SNX9: variants seen among roughly 807,000 people sequenced by gnomAD.
The protein encoded by SNX9 is sorting nexin-9.
A neutral mutation model predicts 89.4 loss-of-function variants in SNX9; 44 were observed. The observed-to-expected ratio is 0.49, with a 90% CI of 0.39 to 0.63. The LOEUF is 0.63. Among genes scored for constraint, SNX9 ranks in the 30% least tolerant of loss-of-function variants. SNX9 has a pLI of 0.00. For missense variants in SNX9, 578 were observed against 736.1 expected, an observed-to-expected ratio of 0.79 and a Z score of 2.49; for synonymous variants, 236 against 247.8, an observed-to-expected ratio of 0.95 and a Z score of 0.45.
intron 2 of SNX9, among the ~76,000 whole-genome samples, chr6:157,869,802 G>A (rs989459765): frequency 4.0e-5 from 6 of 151,808 alleles, no homozygotes; most frequent in African/African-American, 1.5e-4. Context: ...GCACACACAC[G>A]TGCACCCATG....
At chr6:157,844,587 G>GTTTTTTTGTTTTGT (rs1554291784) in intron 1 of SNX9, among the ~76,000 whole-genome samples, 1 of 130,298 alleles carries the variant, frequency 7.7e-6, no homozygotes, top group Non-Finnish European at 1.6e-5. Context: ...GCTAATCCTT[G>GTTTTTTTGTTTTGT]TTTTTTTTTT....
rs540501025 is a variant in SNX9, at chr6:157,856,120, T to C, written c.13-11427T>C. On this transcript the variant is annotated intron_variant, in intron 1 of 17. Transcript: ENST00000392185. The stretch of plus-strand genomic sequence containing the variant: ...ATGTTTTATTTTGGGTGAAGAGACA[T>C]TTCTCCCATTCTCCCTGTAAAAGAC... Among the ~76,000 whole-genome samples the C allele has an allele frequency of 3.3e-5, 5 of 152,342 alleles. No individual in the cohort carries two copies. The East Asian group carries it at 9.6e-4, about 29-fold the overall frequency.
chr6:157,834,486 A>G (rs1482063926), intron 1 of SNX9, among the ~76,000 whole-genome samples: 1 of 150,998 alleles, frequency 6.6e-6, no homozygotes. Flanking sequence ...AGCTTGGACT[A>G]CAGCTGTGTG....
chr6:157,876,922 C>T (rs1782532652), intron 4 of SNX9, among the ~76,000 whole-genome samples: 1 of 152,212 alleles, frequency 6.6e-6, no homozygotes, highest in African/African-American at 2.4e-5. Flanking sequence ...TGCCTAGGAG[C>T]AAAGCCAAGC....
chr6:157,838,826 T>C (rs1366575338), intron 1 of SNX9, among the ~76,000 whole-genome samples: 1 of 152,220 alleles, frequency 6.6e-6, no homozygotes, highest in Non-Finnish European at 1.5e-5. Context: ...TCTAAAATTT[T>C]ATCTGGCACT....
rs1183875578 is a variant in SNX9, at chr6:157,942,803, C to T, written c.1753C>T (p.Leu585=). 1 of 1,613,804 alleles carries T rather than the reference C, an allele frequency of 6.2e-7. No homozygotes were observed. The highest frequency in any genetic ancestry group is 1.3e-5 in the African/African-American group (1 of 74,912). The part of the protein sequence containing the change: ...VQFYETIAEK[L]RQALSRFPVM ...GCTTTCTTGTCAGATTGCAGAAAAG[C>T]TGAGGCAGGCCCTCAGCCGCTTTCC... is the stretch of plus-strand genomic sequence containing the variant. Residue 585 remains leucine, a synonymous_variant, in exon 18 of 18, where the codon CTG becomes TTG. Transcript: ENST00000392185.
chr6:157,896,813 A>C lies in SNX9; in HGVS notation c.301-14A>C. The C allele has an allele frequency of 6.2e-7, 1 of 1,611,300 alleles. No individual in the cohort carries two copies. The highest frequency in any genetic ancestry group is 1.1e-5 in the South Asian group (1 of 90,364). On this transcript the variant is annotated splice_polypyrimidine_tract_variant and intron_variant, in intron 4 of 17. Coordinates refer to ENST00000392185, the MANE Select transcript of SNX9 (RefSeq NM_016224.5). Reference sequence around the variant, plus strand: ...AGTCACAAAAATTCTCCTTCTTTTTACCCCTCTCAATAGGTTGGCAGTGGC... The same window carrying C: ...AGTCACAAAAATTCTCCTTCTTTTTCCCCCTCTCAATAGGTTGGCAGTGGC...
At position 157,823,866 on chromosome 6, in the gene SNX9, TG is replaced by T. The variant is rs1781288145; in HGVS notation, c.12+425del. Among the ~76,000 whole-genome samples, 1 of 151,728 alleles carries T rather than the reference TG, an allele frequency of 6.6e-6. No individual in the cohort carries two copies. Among genetic ancestry groups the T allele is most frequent in the African/African-American group, 2.4e-5 (1 of 41,332 alleles). ...CCCCACGTCCCCTCCCGCTGCCGCC[TG>T]GGGGACCCTCGCCCCCGCGGGGCGG... On this transcript the variant is annotated intron_variant, in intron 1 of 17. Transcript: ENST00000392185. The surrounding 1 kb of genome is among the most constrained non-coding windows in gnomAD (Gnocchi z 4.6).
In SNX9 at chr6:157,928,740, G is replaced by A. The variant is rs766364117; in HGVS notation, c.1288+38G>A. 1.1e-5 allele frequency: 16 copies of A among 1,464,174 alleles called. No individual in the cohort carries two copies. The Admixed American group carries it at 3.5e-4, about 32-fold the overall frequency. 90.7% of individuals were successfully genotyped at this position (1,464,174 alleles called of 1,614,324 possible). A position where few individuals can be genotyped will look rare whatever the true frequency, so the allele number is the denominator to read the frequency against. On this transcript the variant is annotated intron_variant, in intron 12 of 17. Transcript: ENST00000392185. ...CTCACAGTGCACTGGGCTCGTAGGG[G>A]GTGATGCAGGCTCAGTTTTATGTCC...
At chr6:157,918,724 C>T (rs1326628233) in intron 9 of SNX9, among the ~76,000 whole-genome samples, 2 of 151,178 alleles carry the variant, frequency 1.3e-5, no homozygotes, top group African/African-American at 4.9e-5. Flanking sequence ...GTTTTAATTC[C>T]TCTCATTGTT....
intron 13 of SNX9, 40 bp from the exon 14 acceptor site, chr6:157,935,924 T>C (rs1313757482): frequency 1.4e-6 from 2 of 1,414,404 alleles, no homozygotes; most frequent in South Asian, 2.7e-5. Context: ...AAAGAAAATA[T>C]GCATAACTTA....
At chr6:157,873,070 T>A in intron 2 of SNX9, 32 bp from the exon 3 acceptor site, 2 of 1,529,558 alleles carry the variant, frequency 1.3e-6, no homozygotes, top group South Asian at 2.5e-5. Context: ...TGTAATCTTT[T>A]TCTTTTTTTT....
chr6:157,879,974 T>C (rs1418378442), intron 4 of SNX9, among the ~76,000 whole-genome samples: 1 of 152,250 alleles, frequency 6.6e-6, no homozygotes, highest in Non-Finnish European at 1.5e-5. Flanking sequence ...GAGGTTTGTT[T>C]TCTGTCTCCT....
intron 1 of SNX9, among the ~76,000 whole-genome samples, chr6:157,841,341 T>C (rs182861669): frequency 7.0e-4 from 106 of 152,296 alleles, no homozygotes; most frequent in African/African-American, 2.3e-3. Context: ...AGGCACAAGA[T>C]AGAAATACAG....
At chr6:157,936,120 C>G (rs1388998662) in intron 14 of SNX9, 80 bp downstream of exon 14, 10 of 1,025,726 alleles carry the variant, frequency 9.7e-6, no homozygotes, top group Non-Finnish European at 1.4e-5. Flanking sequence ...TGTCTTAGGA[C>G]AAACGTCCCA....
chr6:157,935,949 A>G lies in SNX9; in HGVS notation c.1367-15A>G, dbSNP rs1268088180. On this transcript the variant is annotated splice_polypyrimidine_tract_variant and intron_variant, in intron 13 of 17. Transcript: ENST00000392185. Reference sequence around the variant, plus strand: ...TGCATAACTTATAACCACTGATAAAATTGATCATTTTCAGGTGAAACAGAT... The same window carrying G: ...TGCATAACTTATAACCACTGATAAAGTTGATCATTTTCAGGTGAAACAGAT... The G allele has an allele frequency of 6.3e-7, 1 of 1,594,414 alleles. No individual in the cohort carries two copies. The highest frequency in any genetic ancestry group is 1.3e-5 in the African/African-American group (1 of 74,108).
At chr6:157,942,528 C>T (rs1056336563) in intron 17 of SNX9, among the ~76,000 whole-genome samples, 9 of 152,340 alleles carry the variant, frequency 5.9e-5, no homozygotes, top group African/African-American at 2.2e-4. Flanking sequence ...CTGGAAGCGC[C>T]GCTAGGGCAG....
chr6:157,931,137 A>C (rs543279313), intron 12 of SNX9, among the ~76,000 whole-genome samples: 2 of 152,218 alleles, frequency 1.3e-5, no homozygotes, highest in African/African-American at 4.8e-5. Flanking sequence ...CTGTTTCTCA[A>C]AGTAGTTCTT....
At chr6:157,834,149 GGTTTTTTTTTTTTTTT>G (rs1454441749) in intron 1 of SNX9, among the ~76,000 whole-genome samples, 6 of 60,066 alleles carry the variant, frequency 1.0e-4, no homozygotes, top group Middle Eastern at 9.3e-3. Flanking sequence ...TGTCCACTGT[GGTTTTTTTTTTTTTTT>G]TTTTTTTTTT....
Sources: gnomAD v4.1 joint callset for allele counts (sites outside exome capture counted in the v4.1 genomes callset) on GRCh38, gnomAD v4.1.1 for gene constraint, Gnocchi (gnomAD v3.1) non-coding constraint, MANE v1.5 for transcripts, NCBI Gene and HGNC (gene_info 2026-07-23, HGNC 2026-07-21) for gene names.